MEMO1: variants seen among roughly 807,000 people sequenced by gnomAD.
MEMO1 encodes the protein mediator of cell motility 1.
A neutral mutation model predicts 45.2 loss-of-function variants in MEMO1; 6 were observed. That is an observed-to-expected ratio of 0.13 (90% CI 0.07 to 0.26). The LOEUF (loss-of-function observed/expected upper bound fraction) is 0.26, where lower values mean the gene tolerates loss of function less well. Among genes scored for constraint, MEMO1 ranks in the 10% least tolerant of loss-of-function variants. MEMO1 has a pLI of 1.00. For synonymous variants in MEMO1, 78 were observed against 124.3 expected (o/e 0.63, Z 2.48); for missense variants, 184 against 370.5 (o/e 0.50, Z 4.13).
chr2:31,903,655 T>C (rs1034878413), intron 6 of MEMO1, among the ~76,000 whole-genome samples: 3 of 152,060 alleles, frequency 2.0e-5, no homozygotes, highest in Admixed American at 2.0e-4. Flanking sequence ...ATGGTAATAC[T>C]CAAAGGGAAT....
chr2:31,967,300 A>G (rs1358333139), intron 2 of MEMO1, among the ~76,000 whole-genome samples: 2 of 151,268 alleles, frequency 1.3e-5, no homozygotes, highest in Non-Finnish European at 2.9e-5. Context: ...ATTTTTTTGT[A>G]TTTTTTAGTA....
intron 2 of MEMO1, among the ~76,000 whole-genome samples, chr2:31,958,800 C>T (rs1301917121): frequency 2.0e-5 from 3 of 152,026 alleles, no homozygotes; most frequent in African/African-American, 4.8e-5. Context: ...CACAGGTATG[C>T]GACACTACGC....
At chr2:31,969,989 G>A (rs1241060419) in intron 2 of MEMO1, among the ~76,000 whole-genome samples, 1 of 149,664 alleles carries the variant, frequency 6.7e-6, no homozygotes, top group East Asian at 2.0e-4. Context: ...GGCAGGGGAC[G>A]GGGACAGAAT....
At chr2:31,940,888 T>C (rs1665534640) in intron 3 of MEMO1, among the ~76,000 whole-genome samples, 1 of 152,166 alleles carries the variant, frequency 6.6e-6, no homozygotes. Flanking sequence ...CTTTAAAACA[T>C]ATCCAGAATA....
chr2:31,969,586 G>GTGT (rs1669090004), intron 2 of MEMO1, among the ~76,000 whole-genome samples: 75 of 119,256 alleles, frequency 6.3e-4, no homozygotes, highest in African/African-American at 1.5e-3. Flanking sequence ...TGTGTGTGTG[G>GTGT]GTGTGTGTGT....
At chr2:31,935,609 T>G (rs1664820467) in intron 3 of MEMO1, among the ~76,000 whole-genome samples, 1 of 152,170 alleles carries the variant, frequency 6.6e-6, no homozygotes, top group Non-Finnish European at 1.5e-5. Context: ...AGAACTCTAC[T>G]TCATCAAAGG....
chr2:31,954,359 G>A (rs965135621), intron 2 of MEMO1, among the ~76,000 whole-genome samples: 2 of 152,126 alleles, frequency 1.3e-5, no homozygotes, highest in African/African-American at 4.8e-5. Context: ...CGAGGTGGGA[G>A]GATCACTTGA....
At chr2:31,964,670 C>T (rs1261317434) in intron 2 of MEMO1, among the ~76,000 whole-genome samples, 2 of 151,974 alleles carry the variant, frequency 1.3e-5, no homozygotes, top group Non-Finnish European at 1.5e-5. Context: ...CATTGCACTC[C>T]AGCTTGGGCA....
chr2:31,994,217 T>C (rs1672295634), intron 2 of MEMO1, among the ~76,000 whole-genome samples: 2 of 150,604 alleles, frequency 1.3e-5, no homozygotes, highest in South Asian at 4.3e-4. Context: ...CACCTCGCCC[T>C]CCCAAAGTAC....
At chr2:31,995,548 G>C (rs1558564120) in intron 2 of MEMO1, among the ~76,000 whole-genome samples, 1 of 152,000 alleles carries the variant, frequency 6.6e-6, no homozygotes, top group Non-Finnish European at 1.5e-5. Context: ...AGCAAAATTA[G>C]ATACTGCAGA....
At chr2:32,003,414 G>GA (rs1673654691) in intron 2 of MEMO1, among the ~76,000 whole-genome samples, 1 of 151,988 alleles carries the variant, frequency 6.6e-6, no homozygotes, top group Non-Finnish European at 1.5e-5. Flanking sequence ...TTTGCCAAGG[G>GA]AAAAAAAGCA....
chr2:31,964,514 T>A (rs1333354842), intron 2 of MEMO1, among the ~76,000 whole-genome samples: 1 of 151,732 alleles, frequency 6.6e-6, no homozygotes, highest in African/African-American at 2.4e-5. Context: ...CTGACCAACA[T>A]GGAGAAACCC....
intron 4 of MEMO1, among the ~76,000 whole-genome samples, chr2:31,921,582 T>C (rs951659339): frequency 8.5e-5 from 13 of 152,196 alleles, no homozygotes; most frequent in Admixed American, 5.9e-4. Context: ...ATGGATTTTA[T>C]GCATTTAAGC....
chr2:31,883,504 T>C (rs754842318), intron 7 of MEMO1, 42 bp from the exon 8 acceptor site: 1 of 1,416,668 alleles, frequency 7.1e-7, no homozygotes, highest in African/African-American at 1.5e-5. Context: ...AGGGAAAAAT[T>C]AGAAGCTAAA....
In MEMO1 at chr2:31,905,379, T is replaced by C. The variant is rs181671441; in HGVS notation, c.437+12547A>G. 3.5e-4 allele frequency among the ~76,000 whole-genome samples: 54 copies of C among 152,342 alleles called. 1 individual carries two copies. The highest frequency in any genetic ancestry group is 6.2e-4 in the Non-Finnish European group (42 of 68,020). On this transcript the variant is annotated intron_variant, in intron 6 of 9. Transcript: ENST00000404530. The stretch of plus-strand genomic sequence containing the variant: ...TAAGTCATTATAAATCTTTACTGTT[T>C]GATCAGTTAAATGAATGCAATGAGA...
intron 8 of MEMO1, among the ~76,000 whole-genome samples, chr2:31,874,918 C>CATATAT (rs139337995): frequency 6.6e-6 from 1 of 151,244 alleles, no homozygotes; most frequent in Admixed American, 6.6e-5. Context: ...AGCAAGTGTA[C>CATATAT]ATATATATAT....
At chr2:31,907,237 T>C (rs1257997139) in intron 6 of MEMO1, among the ~76,000 whole-genome samples, 1 of 152,176 alleles carries the variant, frequency 6.6e-6, no homozygotes, top group East Asian at 1.9e-4. Flanking sequence ...CCCTACTCTC[T>C]GCTCCTGTAA....
chr2:31,872,691 T>C (rs186122407), intron 8 of MEMO1, among the ~76,000 whole-genome samples: 14 of 152,246 alleles, frequency 9.2e-5, no homozygotes, highest in Admixed American at 5.2e-4. Context: ...ATTGAGATGA[T>C]GGGAGTTAAG....
At chr2:32,008,152 T>C (rs1674334081) in intron 2 of MEMO1, among the ~76,000 whole-genome samples, 1 of 152,226 alleles carries the variant, frequency 6.6e-6, no homozygotes, top group African/African-American at 2.4e-5. Flanking sequence ...GAATTCATCT[T>C]AGAATACCAA....
Sources: gnomAD v4.1 joint callset for allele counts (sites outside exome capture counted in the v4.1 genomes callset) on GRCh38, gnomAD v4.1.1 for gene constraint, MANE v1.5 for transcripts, NCBI Gene and HGNC (gene_info 2026-07-23, HGNC 2026-07-21) for gene names.